The following PEX6 variants were observed in gnomAD, a reference collection of about 807,000 sequenced individuals.
PEX6 encodes peroxisomal biogenesis factor 6.
PEX6 carries 55 observed loss-of-function variants against 85.6 expected under a neutral mutation model. The observed-to-expected ratio is 0.64, with a 90% CI of 0.52 to 0.80. The LOEUF is 0.80. Ranked by LOEUF, PEX6 falls within the 30% of genes least tolerant of loss-of-function variation. The pLI is 0.00. For synonymous variants in PEX6, 519 were observed against 549.1 expected, an observed-to-expected ratio of 0.95 and a Z score of 0.77; for missense variants, 1,099 against 1,260.3, an observed-to-expected ratio of 0.87 and a Z score of 1.94.
At position 42,964,723 on chromosome 6, in the gene PEX6, G is replaced by A. The variant is rs569006913; in HGVS notation, c.2806+67C>T. Reference sequence around the variant, plus strand: ...TCCCACCTCAGCCTCTCAAGTAGCTGGGACTCAGGTGCACCCAGCTCCCCA... The same window carrying A: ...TCCCACCTCAGCCTCTCAAGTAGCTAGGACTCAGGTGCACCCAGCTCCCCA... On this transcript the variant is annotated intron_variant, in intron 16 of 16. Transcript: ENST00000304611. The surrounding 1 kb of genome is among the most constrained non-coding windows in gnomAD (Gnocchi z 4.6). The A allele has an allele frequency of 1.8e-5, 28 of 1,599,652 alleles. No homozygotes were observed. The East Asian group carries it at 5.2e-4, about 29-fold the overall frequency.
chr6:42,976,182 T>A (rs530839084), intron 1 of PEX6, among the ~76,000 whole-genome samples: 8 of 152,138 alleles, frequency 5.3e-5, no homozygotes, highest in Non-Finnish European at 1.0e-4. Flanking sequence ...TTGTATTTTT[T>A]AAAATAGAGA....
In PEX6 at chr6:42,968,188, GA is replaced by G. The variant is rs1041662776; in HGVS notation, c.1688+101del. On this transcript the variant is annotated intron_variant, in intron 7 of 16. Transcript: ENST00000304611. ...TCTTGAACTCCTGATCAAGGCAGGTGATCCACCTGCCTCGGCCTCCCAATGT... is the reference window on the plus strand; with the variant it reads ...TCTTGAACTCCTGATCAAGGCAGGTGTCCACCTGCCTCGGCCTCCCAATGT... The G allele has an allele frequency of 9.4e-6, 9 of 953,828 alleles. No homozygotes were observed. The Admixed American group carries it at 1.6e-4, about 17-fold the overall frequency. 59.1% of individuals were successfully genotyped at this position (953,828 alleles called of 1,614,324 possible).
chr6:42,971,057 C>T lies in PEX6; in HGVS notation c.1131-1070G>A, dbSNP rs961732543. Among the ~76,000 whole-genome samples the T allele has an allele frequency of 6.6e-6, 1 of 152,138 alleles. No individual in the cohort carries two copies. Among genetic ancestry groups the T allele is most frequent in the African/African-American group, 2.4e-5 (1 of 41,438 alleles). On this transcript the variant is annotated intron_variant, in intron 3 of 16. Transcript: ENST00000304611. The surrounding 1 kb of genome is among the most constrained non-coding windows in gnomAD (Gnocchi z 4.4). ...GACAGAGTCAGGCTATAACCTAGTC[C>T]TCTTTAAGGTCCAATCAGGCTGCAA...
intron 3 of PEX6, among the ~76,000 whole-genome samples, chr6:42,972,769 C>CAA (rs3997649): frequency 1.0e-4 from 6 of 57,204 alleles, no homozygotes; most frequent in East Asian, 7.9e-4. Context: ...GACTCTGTCT[C>CAA]AAAAAAAAAA....
chr6:42,978,217 G>A (rs1357155111), intron 1 of PEX6, 52 bp downstream of exon 1: 34 of 1,588,476 alleles, frequency 2.1e-5, no homozygotes, highest in South Asian at 3.3e-5. Context: ...CTAAGACAGA[G>A]AAGAGGGTAT....
intron 8 of PEX6, 111 bp downstream of exon 8, chr6:42,967,257 C>T (rs1581761848): frequency 1.2e-5 from 13 of 1,088,162 alleles, no homozygotes; most frequent in East Asian, 2.6e-5. Flanking sequence ...GCGTGAGCCA[C>T]GGCGCCCGCG....
In PEX6 at chr6:42,975,024, G is replaced by T; in HGVS notation, c.897C>A (p.Gly299=). 1 of 1,612,898 alleles carries T rather than the reference G, an allele frequency of 6.2e-7. No homozygotes were observed. Residue 299 remains glycine (G), a synonymous_variant, in exon 2 of 17, where the codon GGC becomes GGA. Coordinates refer to ENST00000304611, the MANE Select transcript of PEX6 (RefSeq NM_000287.4). ...GELRIQRYLE[G]SIAPEDKGSC... Reference sequence around the variant, plus strand: ...TTCCTTTGTCTTCAGGGGCGATGGAGCCTTCCAAGTACCTCTATTAGAGAA... The same window carrying T: ...TTCCTTTGTCTTCAGGGGCGATGGATCCTTCCAAGTACCTCTATTAGAGAA...
intron 1 of PEX6, among the ~76,000 whole-genome samples, chr6:42,977,097 T>A (rs114740443): frequency 6.6e-6 from 1 of 152,208 alleles, no homozygotes; most frequent in African/African-American, 2.4e-5. Flanking sequence ...CAGATGAGGC[T>A]AGAATAATAG....
At position 42,966,086 on chromosome 6, in the gene PEX6, T is replaced by C; in HGVS notation, c.2320A>G (p.Ile774Val). ...TFLSVKGPEL[I>V]NMYVGQSEEN... The stretch of plus-strand genomic sequence containing the variant: ...TCACTTTGGCCCACATACATGTTAA[T>C]GAGCTCTGGCCCCTTCACGCTGAGT... The change falls in exon 12 of 17, where the codon ATT becomes GTT. Residue 774 changes from isoleucine to valine, a missense_variant. By Grantham distance (29) the Ile-to-Val change is conservative. Around this residue, in one of 3 missense-constraint regions of PEX6, gnomAD observed 514 missense variants for 627.0 expected, o/e 0.82. Transcript: ENST00000304611. 3.7e-6 allele frequency: 6 copies of C among 1,614,052 alleles called. No individual in the cohort carries two copies. Among genetic ancestry groups the C allele is most frequent in the Non-Finnish European group, 5.1e-6 (6 of 1,179,928 alleles).
At position 42,964,216 on chromosome 6, in the gene PEX6, G is replaced by T; in HGVS notation, c.*119C>A. 1.7e-6 allele frequency: 2 copies of T among 1,152,280 alleles called. No homozygotes were observed. The highest frequency in any genetic ancestry group is 2.6e-6 in the Non-Finnish European group (2 of 778,288). 71.4% of individuals were successfully genotyped at this position (1,152,280 alleles called of 1,614,324 possible). On this transcript the variant is annotated 3_prime_UTR_variant, in exon 17 of 17. Coordinates refer to ENST00000304611, the MANE Select transcript of PEX6 (RefSeq NM_000287.4). The surrounding 1 kb of genome is among the most constrained non-coding windows in gnomAD (Gnocchi z 4.6). ...TGCACCCTGGGATCTCCTGGAGGGAGGTGGCCTCCAGGTGGGTTGGCAGCA... is the reference window on the plus strand; with the variant it reads ...TGCACCCTGGGATCTCCTGGAGGGATGTGGCCTCCAGGTGGGTTGGCAGCA...
At position 42,978,230 on chromosome 6, in the gene PEX6, G is replaced by A. The variant is rs201469016; in HGVS notation, c.882+39C>T. Reference sequence around the variant, plus strand: ...ACCTAAGACAGAGAAGAGGGTATAAGAAAGAGGAAGCACTCCTGACCCCAG... The same window carrying A: ...ACCTAAGACAGAGAAGAGGGTATAAAAAAGAGGAAGCACTCCTGACCCCAG... On this transcript the variant is annotated intron_variant, in intron 1 of 16. Transcript: ENST00000304611. 3 of 1,608,482 alleles carry A rather than the reference G, an allele frequency of 1.9e-6. No homozygotes were observed. In the South Asian group the frequency reaches 3.3e-5, roughly 18 times the overall value.
chr6:42,978,165 C>G (rs1770383860), intron 1 of PEX6, 104 bp downstream of exon 1: 1 of 1,378,062 alleles, frequency 7.3e-7, no homozygotes, highest in Non-Finnish European at 1.0e-6. Context: ...TGTTCAAAGT[C>G]CGGGATGATA....
chr6:42,965,875 C>A lies in PEX6; in HGVS notation c.2363-86G>T. On this transcript the variant is annotated intron_variant, in intron 12 of 16. Transcript: ENST00000304611. The surrounding 1 kb of genome is among the most constrained non-coding windows in gnomAD (Gnocchi z 5.0). ...GTGAGAGCAGGGAGGGAAACTGGGG[C>A]CTGACAATACAGCACTGGCATCCCA... 3.8e-6 allele frequency: 5 copies of A among 1,329,644 alleles called. No individual in the cohort carries two copies. Among genetic ancestry groups the A allele is most frequent in the Non-Finnish European group, 5.4e-6 (5 of 924,940 alleles). The allele number at this position is 1,329,644 out of a possible 1,614,324, so 82.4% of individuals were successfully genotyped here.
rs765743353 is a variant in PEX6 at position 42,964,434 on chromosome 6, C to A, written c.2844G>T (p.Met948Ile). The A allele has an allele frequency of 1.9e-6, 3 of 1,613,868 alleles. No homozygotes were observed. The Admixed American group carries it at 5.0e-5, about 27-fold the overall frequency. Reference sequence around the variant, plus strand: ...GGGCGGCAGCCTGCAGCAAGTCCTCCATGGTGAGCATCAGTGCTGAGCTAC... The same window carrying A: ...GGGCGGCAGCCTGCAGCAAGTCCTCAATGGTGAGCATCAGTGCTGAGCTAC... ...EPGSSALMLTMEDLLQAAARL... is the reference protein window; with the variant it reads ...EPGSSALMLTIEDLLQAAARL... The change falls in exon 17 of 17, where the codon ATG (methionine) becomes ATT (isoleucine). Residue 948 changes from methionine (M) to isoleucine (I), a missense_variant. Transcript: ENST00000304611. This position sits in a 1 kb window ranked among gnomAD's most constrained non-coding sequence, Gnocchi z 4.6.
In PEX6 at chr6:42,964,196, C is replaced by A; in HGVS notation, c.*139G>T. The A allele has an allele frequency of 1.1e-6, 1 of 923,068 alleles. No homozygotes were observed. Among genetic ancestry groups the A allele is most frequent in the South Asian group, 1.5e-5 (1 of 67,348 alleles). 57.2% of individuals were successfully genotyped at this position (923,068 alleles called of 1,614,324 possible). A position where few individuals can be genotyped will look rare whatever the true frequency, so the allele number is the denominator to read the frequency against. On this transcript the variant is annotated 3_prime_UTR_variant, in exon 17 of 17. Coordinates refer to ENST00000304611, the MANE Select transcript of PEX6 (RefSeq NM_000287.4). This position sits in a 1 kb window ranked among gnomAD's most constrained non-coding sequence, Gnocchi z 4.6. The stretch of plus-strand genomic sequence containing the variant: ...CTGCTGTCTCAATGCCACTTTGCAC[C>A]CTGGGATCTCCTGGAGGGAGGTGGC...
rs749497998 is a variant in PEX6, at chr6:42,965,719, G to C, written c.2433C>G (p.Ser811Arg). 6.2e-7 allele frequency: 1 copy of C among 1,614,026 alleles called. No individual in the cohort carries two copies. Among genetic ancestry groups the C allele is most frequent in the South Asian group, 1.1e-5 (1 of 91,086 alleles). Residue 811 changes from serine to arginine, a missense_variant, in exon 13 of 17, where the codon AGC becomes AGG. By Grantham distance (110) the Ser-to-Arg change is moderately radical. This residue lies in a region of PEX6 where 514 missense variants were observed against 627.0 expected (regional missense o/e 0.82). Transcript: ENST00000304611. This position sits in a 1 kb window ranked among gnomAD's most constrained non-coding sequence, Gnocchi z 5.0. Reference sequence around the variant, plus strand: ...CTCCAGAATCTCCACTTCGCCCCCGGCTTGGGGCCAAAGAGTCCAGTTCAT... The same window carrying C: ...CTCCAGAATCTCCACTTCGCCCCCGCCTTGGGGCCAAAGAGTCCAGTTCAT... ...FFDELDSLAP[S>R]RGRSGDSGGV...
chr6:42,967,602 G>C, intron 7 of PEX6, 39 bp from the exon 8 acceptor site: 1 of 1,558,744 alleles, frequency 6.4e-7, no homozygotes, highest in East Asian at 2.3e-5. Context: ...TGAGAACATG[G>C]CTGGCAGCTC....
In PEX6 at chr6:42,978,735, A is replaced by C. The variant is rs1191361558; in HGVS notation, c.416T>G (p.Leu139Arg). 1 of 1,537,656 alleles carries C rather than the reference A, an allele frequency of 6.5e-7. No homozygotes were observed. The highest frequency in any genetic ancestry group is 1.4e-5 in the African/African-American group (1 of 73,112). Reference protein sequence around the residue: ...ETLPVPGPRVLETRPALQGLL... With the variant: ...ETLPVPGPRVRETRPALQGLL... ...CCCTTGCAACGCCGGCCGCGTCTCC[A>C]GCACCCGCGGTCCGGGCACTGGGAG... The change falls in exon 1 of 17, where the codon CTG (leucine) becomes CGG (arginine). Residue 139 changes from leucine to arginine, a missense_variant. Physicochemically the swap from Leu to Arg is moderately radical, Grantham distance 102. Around this residue, in one of 3 missense-constraint regions of PEX6, gnomAD observed 579 missense variants for 611.6 expected, o/e 0.95. Transcript: ENST00000304611.
chr6:42,966,930 T>TAGCGC (rs1769834483), intron 8 of PEX6, 72 bp from the exon 9 acceptor site: 9 of 1,084,510 alleles, frequency 8.3e-6, no homozygotes, highest in Non-Finnish European at 1.1e-5. Context: ...GTCCCCCAGC[T>TAGCGC]AGAGCAGAGG....
Sources: gnomAD v4.1 joint callset for allele counts (sites outside exome capture counted in the v4.1 genomes callset) on GRCh38, gnomAD v4.1.1 for gene constraint, gnomAD v4.1.1 regional missense constraint, Gnocchi (gnomAD v3.1) non-coding constraint, MANE v1.5 for transcripts, NCBI Gene and HGNC (gene_info 2026-07-23, HGNC 2026-07-21) for gene names.